MYO16: variants seen among roughly 807,000 people sequenced by gnomAD.
MYO16 encodes unconventional myosin-XVI.
In MYO16, 94 loss-of-function variants were observed where a neutral mutation model predicts 205.3. The ratio of observed to expected loss-of-function variants is 0.46; its 90% CI spans 0.39 to 0.54. MYO16 has a LOEUF of 0.54. Ranked by LOEUF, MYO16 falls within the 20% of genes least tolerant of loss-of-function variation. MYO16 has a pLI of 0.00. For missense variants in MYO16, 2,315 were observed against 2,387.5 expected (o/e 0.97, Z 0.63); for synonymous variants, 988 against 954.0 (o/e 1.04, Z -0.66).
chr13:108,734,557 C>T (rs1421600825), intron 4 of MYO16, among the ~76,000 whole-genome samples: 2 of 151,144 alleles, frequency 1.3e-5, no homozygotes, highest in Admixed American at 6.6e-5. Context: ...TTAGAATAAT[C>T]GGAAAGGGAA....
rs542897433 is a variant in MYO16, at chr13:108,994,841, A to G, written c.2442+2393A>G. On this transcript the variant is annotated intron_variant, in intron 21 of 34. Coordinates refer to ENST00000457511, the MANE Select transcript of MYO16 (RefSeq NM_001198950.3). ...GAAAAAAGTCTTCATAGTGGATTTC[A>G]TAGTGGTTCTTCTTGTTCAGGAATA... 6.6e-5 allele frequency among the ~76,000 whole-genome samples: 10 copies of G among 152,284 alleles called. No homozygotes were observed. In the South Asian group the frequency reaches 1.0e-3, roughly 16 times the overall value.
At chr13:108,527,243 G>C in the MYO16 span, among the ~76,000 whole-genome samples, 3 of 152,100 alleles carry the variant, frequency 2.0e-5, no homozygotes, top group East Asian at 5.8e-4. Context: ...AATATTTATA[G>C]GAAGGGTTTT....
chr13:109,090,492 G>A (rs1248641177), intron 27 of MYO16, among the ~76,000 whole-genome samples: 4 of 152,194 alleles, frequency 2.6e-5, no homozygotes, highest in African/African-American at 9.7e-5. Context: ...GATGGGAGGT[G>A]ACGTGACTGG....
chr13:108,990,600 T>A (rs1401231338), intron 20 of MYO16, among the ~76,000 whole-genome samples: 1 of 152,214 alleles, frequency 6.6e-6, no homozygotes, highest in Admixed American at 6.5e-5. Context: ...TTGTACACAC[T>A]ATGAGTTATA....
In MYO16 at chr13:109,094,603, G is replaced by A. The variant is rs541099335; in HGVS notation, c.3336-6182G>A. 2.6e-5 allele frequency among the ~76,000 whole-genome samples: 4 copies of A among 152,314 alleles called. No individual in the cohort carries two copies. The East Asian group carries it at 7.7e-4, about 29-fold the overall frequency. ...AGGTTTGTTACGTAGGTATACACAT[G>A]CCATGGTTGTTTGTTGCACCTATCA... On this transcript the variant is annotated intron_variant, in intron 27 of 34. Transcript: ENST00000457511.
At chr13:108,582,521 T>C in the MYO16 span, among the ~76,000 whole-genome samples, 7 of 152,190 alleles carry the variant, frequency 4.6e-5, no homozygotes, top group East Asian at 1.9e-4. Context: ...ACCAGAAAGA[T>C]ATCTAAGCAG....
At chr13:108,646,191 CT>C (rs957993125) in intron 1 of MYO16, among the ~76,000 whole-genome samples, 1 of 152,116 alleles carries the variant, frequency 6.6e-6, no homozygotes, top group East Asian at 1.9e-4. Flanking sequence ...GTTTGATTTT[CT>C]TTTTTTCCCT....
At chr13:108,937,572 C>A (rs2139306466) in intron 16 of MYO16, among the ~76,000 whole-genome samples, 1 of 152,134 alleles carries the variant, frequency 6.6e-6, no homozygotes, top group Non-Finnish European at 1.5e-5. Context: ...TTTTAAAATT[C>A]TTTTTTAATT....
At chr13:109,112,188 A>C (rs1889309202) in intron 28 of MYO16, among the ~76,000 whole-genome samples, 1 of 152,208 alleles carries the variant, frequency 6.6e-6, no homozygotes, top group South Asian at 2.1e-4. Context: ...GAAATAAAAA[A>C]GGGTTAGCTC....
chr13:108,664,252 T>C (rs1361614250), intron 1 of MYO16, among the ~76,000 whole-genome samples: 1 of 152,224 alleles, frequency 6.6e-6, no homozygotes, highest in Non-Finnish European at 1.5e-5. Context: ...TCCCCCAACA[T>C]GGCTTCTTTT....
At chr13:108,854,538 A>T (rs1878067759) in intron 10 of MYO16, among the ~76,000 whole-genome samples, 1 of 152,200 alleles carries the variant, frequency 6.6e-6, no homozygotes, top group South Asian at 2.1e-4. Flanking sequence ...ATACAGATAC[A>T]AATACAAAAT....
At chr13:109,132,110 G>A (rs1340823471) in intron 31 of MYO16, among the ~76,000 whole-genome samples, 1 of 152,204 alleles carries the variant, frequency 6.6e-6, no homozygotes, top group Non-Finnish European at 1.5e-5. Context: ...CTGTGAAATG[G>A]ATACTAAATC....
chr13:109,119,878 T>G (rs1297861845), intron 28 of MYO16, among the ~76,000 whole-genome samples: 1 of 152,230 alleles, frequency 6.6e-6, no homozygotes, highest in Non-Finnish European at 1.5e-5. Context: ...TGTACAAACA[T>G]TTGATTTATA....
chr13:108,510,081 G>T, the MYO16 span, among the ~76,000 whole-genome samples: 3 of 152,170 alleles, frequency 2.0e-5, no homozygotes, highest in Non-Finnish European at 4.4e-5. Flanking sequence ...CAGAAGGATA[G>T]TCATGATAGT....
chr13:109,192,985 G>T (rs746994457), intron 34 of MYO16, among the ~76,000 whole-genome samples: 23 of 152,102 alleles, frequency 1.5e-4, no homozygotes, highest in Non-Finnish European at 3.2e-4. Flanking sequence ...CTTTAAGATA[G>T]CCAAAATCAT....
At chr13:108,878,973 C>T (rs1022781901) in intron 12 of MYO16, among the ~76,000 whole-genome samples, 3 of 152,226 alleles carry the variant, frequency 2.0e-5, no homozygotes, top group African/African-American at 7.2e-5. Flanking sequence ...AGTCTTTGCA[C>T]CAGCACCACA....
rs537132921 is a variant in MYO16 at position 109,193,859 on chromosome 13, T to C, written c.5416-12750T>C. 2.6e-5 allele frequency among the ~76,000 whole-genome samples: 4 copies of C among 152,330 alleles called. No individual in the cohort carries two copies. In the East Asian group the frequency reaches 7.7e-4, roughly 29 times the overall value. On this transcript the variant is annotated intron_variant, in intron 34 of 34. Coordinates refer to ENST00000457511, the MANE Select transcript of MYO16 (RefSeq NM_001198950.3). ...AGAGCTTTTCTCTCTCTTGGTTTTA[T>C]AATAATTATATACATGTAAGCAAAA...
At chr13:108,677,331 GTGTGTATATA>G (rs1566544765) in intron 2 of MYO16, among the ~76,000 whole-genome samples, 2 of 126,594 alleles carry the variant, frequency 1.6e-5, no homozygotes, top group African/African-American at 6.2e-5. Context: ...GTGTGTGTGT[GTGTGTATATA>G]TATATATATA....
chr13:108,720,498 C>T (rs1478290231), intron 3 of MYO16, among the ~76,000 whole-genome samples: 1 of 152,208 alleles, frequency 6.6e-6, no homozygotes, highest in Non-Finnish European at 1.5e-5. Flanking sequence ...AGGACAAAAA[C>T]ATGGACTATA....
Sources: allele counts gnomAD v4.1 joint callset (sites outside exome capture counted in the v4.1 genomes callset), GRCh38; gene constraint gnomAD v4.1.1; transcripts MANE v1.5; gene names NCBI Gene and HGNC (gene_info 2026-07-23, HGNC 2026-07-21).